The following RSPO3 variants were observed in gnomAD, a reference collection of about 807,000 sequenced individuals.
The protein encoded by RSPO3 is R-spondin-3.
Under a neutral mutation model 36.5 loss-of-function variants are expected in RSPO3, and 17 were observed. The observed-to-expected ratio is 0.47, with a 90% confidence interval of 0.32 to 0.70. The LOEUF (loss-of-function observed/expected upper bound fraction) is 0.70. RSPO3 is among the 30% of genes least tolerant of loss of function. The pLI, the probability that RSPO3 is intolerant of heterozygous loss-of-function variation, is 0.04. For synonymous variants in RSPO3, 108 were observed against 107.0 expected (o/e 1.01, Z -0.06); for missense variants, 294 against 322.5 (o/e 0.91, Z 0.68).
At chr6:127,146,511 C>T (rs1464394336) in intron 1 of RSPO3, among the ~76,000 whole-genome samples, 1 of 152,066 alleles carries the variant, frequency 6.6e-6, no homozygotes, top group Non-Finnish European at 1.5e-5. Flanking sequence ...TAAAATTTAT[C>T]TTAAGGAATG....
At chr6:127,136,518 CTT>C (rs1774159568) in intron 1 of RSPO3, among the ~76,000 whole-genome samples, 1 of 152,294 alleles carries the variant, frequency 6.6e-6, no homozygotes, top group Non-Finnish European at 1.5e-5. Context: ...TCAGCAATAA[CTT>C]ATATTAATAT....
In RSPO3 at chr6:127,148,842, A is replaced by C; in HGVS notation, c.289+3A>C. Reference sequence around the variant, plus strand: ...TCCAGATATAAATAAGTGTACAAGTAAGTGCCCACACGAAATTGTATTTTT... The same window carrying C: ...TCCAGATATAAATAAGTGTACAAGTCAGTGCCCACACGAAATTGTATTTTT... On this transcript the variant is annotated splice_donor_region_variant and intron_variant, in intron 2 of 4. Coordinates refer to ENST00000356698, the MANE Select transcript of RSPO3 (RefSeq NM_032784.5). The C allele has an allele frequency of 6.2e-7, 1 of 1,601,002 alleles. No homozygotes were observed. Among genetic ancestry groups the C allele is most frequent in the Non-Finnish European group, 8.5e-7 (1 of 1,171,616 alleles).
intron 3 of RSPO3, among the ~76,000 whole-genome samples, chr6:127,153,004 G>T (rs1228258949): frequency 2.0e-5 from 3 of 152,096 alleles, no homozygotes; most frequent in Admixed American, 6.6e-5. Context: ...GACCAGTAAA[G>T]TCACTACTAA....
intron 3 of RSPO3, among the ~76,000 whole-genome samples, chr6:127,150,852 T>C (rs1774478270): frequency 6.6e-6 from 1 of 151,594 alleles, no homozygotes; most frequent in South Asian, 2.1e-4. Flanking sequence ...ATTTTTATTA[T>C]TTAGTGAATT....
At chr6:127,144,930 C>A (rs1172184527) in intron 1 of RSPO3, among the ~76,000 whole-genome samples, 1 of 151,952 alleles carries the variant, frequency 6.6e-6, no homozygotes, top group African/African-American at 2.4e-5. Context: ...CCCAGTAGCT[C>A]CCATGGCTTT....
chr6:127,131,774 A>G (rs1172716989), intron 1 of RSPO3, among the ~76,000 whole-genome samples: 1 of 152,110 alleles, frequency 6.6e-6, no homozygotes, highest in Non-Finnish European at 1.5e-5. Context: ...TGGAGGATCA[A>G]GTCATTCCTA....
At chr6:127,163,010 C>T (rs1037477599) in intron 4 of RSPO3, among the ~76,000 whole-genome samples, 50 of 152,098 alleles carry the variant, frequency 3.3e-4, no homozygotes, top group African/African-American at 1.2e-3. Flanking sequence ...CTGAGTTAAC[C>T]GGCCCTTTGG....
At chr6:127,180,617 G>A (rs1404135389) in intron 4 of RSPO3, among the ~76,000 whole-genome samples, 2 of 149,776 alleles carry the variant, frequency 1.3e-5, no homozygotes, top group Admixed American at 1.3e-4. Flanking sequence ...AGATATGCAA[G>A]AAGTAAGGCA....
At chr6:127,167,809 G>C (rs1421568186) in intron 4 of RSPO3, among the ~76,000 whole-genome samples, 1 of 151,632 alleles carries the variant, frequency 6.6e-6, no homozygotes, top group African/African-American at 2.4e-5. Context: ...CCCTTCCAGT[G>C]TCCAAGTGTT....
At chr6:127,150,654 A>G (rs1413548266) in intron 3 of RSPO3, 82 bp downstream of exon 3, 1 of 1,336,128 alleles carries the variant, frequency 7.5e-7, no homozygotes, top group Non-Finnish European at 1.0e-6. Flanking sequence ...TGCCAAAAGA[A>G]CTTGAAGGTT....
At chr6:127,153,239 C>T (rs1214523267) in intron 3 of RSPO3, among the ~76,000 whole-genome samples, 1 of 152,022 alleles carries the variant, frequency 6.6e-6, no homozygotes, top group African/African-American at 2.4e-5. Context: ...TCTGTTTTTC[C>T]TTAACTATCT....
At chr6:127,169,617 C>A (rs761495249) in intron 4 of RSPO3, among the ~76,000 whole-genome samples, 1 of 151,752 alleles carries the variant, frequency 6.6e-6, no homozygotes, top group Non-Finnish European at 1.5e-5. Context: ...ATAAACAACA[C>A]GAAAGAGTTA....
chr6:127,162,693 T>C (rs554931926), intron 4 of RSPO3, among the ~76,000 whole-genome samples: 17 of 152,300 alleles, frequency 1.1e-4, no homozygotes, highest in African/African-American at 4.1e-4. Flanking sequence ...ATATTCCGAA[T>C]GGTTTATATC....
chr6:127,142,735 C>A (rs763478629), intron 1 of RSPO3, among the ~76,000 whole-genome samples: 1 of 152,076 alleles, frequency 6.6e-6, no homozygotes, highest in Non-Finnish European at 1.5e-5. Flanking sequence ...GTTATAGATA[C>A]TTTCTGTTAA....
rs2114583046 is a variant in RSPO3, at chr6:127,149,792, A to G, written c.290-634A>G. Among the ~76,000 whole-genome samples, 4 of 152,150 alleles carry G rather than the reference A, an allele frequency of 2.6e-5. No individual in the cohort carries two copies. In the South Asian group the frequency reaches 8.3e-4, roughly 32 times the overall value. On this transcript the variant is annotated intron_variant, in intron 2 of 4. Transcript: ENST00000356698. ...CTCAGTTTCCTTATATGTAAAATGA[A>G]ATTATACCAATGACTACCTCATTGG...
At chr6:127,158,699 C>T (rs894402910) in intron 4 of RSPO3, among the ~76,000 whole-genome samples, 2 of 151,976 alleles carry the variant, frequency 1.3e-5, no homozygotes, top group African/African-American at 4.8e-5. Flanking sequence ...TCTTTACTAC[C>T]ATTTTCTCAT....
At chr6:127,180,630 T>G (rs920407904) in intron 4 of RSPO3, among the ~76,000 whole-genome samples, 12 of 151,232 alleles carry the variant, frequency 7.9e-5, no homozygotes, top group African/African-American at 2.7e-4. Context: ...GTAAGGCAGA[T>G]GGCCTTGAGT....
At chr6:127,157,347 T>G (rs1774614074) in intron 4 of RSPO3, among the ~76,000 whole-genome samples, 1 of 152,118 alleles carries the variant, frequency 6.6e-6, no homozygotes, top group Admixed American at 6.6e-5. Flanking sequence ...AGTTATCCAA[T>G]AGCAGAATTA....
At position 127,122,435 on chromosome 6, in the gene RSPO3, C is replaced by A. The variant is rs181551084; in HGVS notation, c.97+3146C>A. On this transcript the variant is annotated intron_variant, in intron 1 of 4. Transcript: ENST00000356698. Reference sequence around the variant, plus strand: ...TGATAGCCACAGAATCTTAGTGGGGCCTCACATTTTCACGTGGATTAGTTG... The same window carrying A: ...TGATAGCCACAGAATCTTAGTGGGGACTCACATTTTCACGTGGATTAGTTG... Among the ~76,000 whole-genome samples, 177 of 152,248 alleles carry A rather than the reference C, an allele frequency of 1.2e-3. 1 individual carries two copies. Among genetic ancestry groups the A allele is most frequent in the African/African-American group, 4.0e-3 (168 of 41,526 alleles).
Sources: gnomAD v4.1 joint callset for allele counts (sites outside exome capture counted in the v4.1 genomes callset) on GRCh38, gnomAD v4.1.1 for gene constraint, MANE v1.5 for transcripts, NCBI Gene and HGNC (gene_info 2026-07-23, HGNC 2026-07-21) for gene names.